The following ESR2 variants were observed in gnomAD, a reference collection of about 807,000 sequenced individuals.
The protein encoded by ESR2 is estrogen receptor 2, also known as estrogen receptor beta.
A neutral mutation model predicts 49.6 loss-of-function variants in ESR2; 36 were observed. The ratio of observed to expected loss-of-function variants is 0.73; its 90% CI spans 0.56 to 0.96. ESR2 has a LOEUF of 0.96. Among genes scored for constraint, ESR2 ranks in the 40% least tolerant of loss-of-function variants. ESR2 has a pLI of 0.00. For synonymous variants in ESR2, 320 were observed against 266.1 expected (o/e 1.20, Z -1.97); for missense variants, 714 against 693.0 (o/e 1.03, Z -0.34).
intron 5 of ESR2, among the ~76,000 whole-genome samples, chr14:64,259,801 A>G (rs571724253): frequency 6.6e-6 from 1 of 152,302 alleles, no homozygotes; most frequent in East Asian, 1.9e-4. Context: ...TTGATTCTCT[A>G]CTGGAACAAT....
intron 7 of ESR2, among the ~76,000 whole-genome samples, chr14:64,243,496 A>G (rs2075783552): frequency 6.6e-6 from 1 of 152,252 alleles, no homozygotes; most frequent in Non-Finnish European, 1.5e-5. Flanking sequence ...AGTATCTGTG[A>G]TGCACAATAA....
intron 7 of ESR2, among the ~76,000 whole-genome samples, chr14:64,235,947 C>T (rs2075589200): frequency 1.3e-5 from 2 of 152,216 alleles, no homozygotes; most frequent in African/African-American, 2.4e-5. Flanking sequence ...CGACCCCTGC[C>T]TGACTCCTTG....
chr14:64,296,387 C>T (rs573128203), upstream of ESR2, among the ~76,000 whole-genome samples: 22 of 152,296 alleles, frequency 1.4e-4, no homozygotes, highest in East Asian at 9.6e-4. Context: ...AGACAGCTAC[C>T]GCTTATTGGA....
intron 1 of ESR2, among the ~76,000 whole-genome samples, chr14:64,331,192 C>A (rs2077453290): frequency 6.6e-6 from 1 of 152,056 alleles, no homozygotes; most frequent in Admixed American, 6.6e-5. Context: ...ACATACCATG[C>A]AATCTAAGAA....
chr14:64,260,890 A>C, intron 4 of ESR2, 142 bp from the exon 5 acceptor site: 1 of 658,268 alleles, frequency 1.5e-6, no homozygotes, highest in Non-Finnish European at 2.2e-6. Context: ...AACCAACGAC[A>C]TAACTTTTCA....
upstream of ESR2, among the ~76,000 whole-genome samples, chr14:64,295,500 A>G (rs2076945139): frequency 6.6e-6 from 1 of 152,116 alleles, no homozygotes; most frequent in Non-Finnish European, 1.5e-5. Flanking sequence ...CCACTGCCCC[A>G]CCCTAAGTCC....
intron 6 of ESR2, among the ~76,000 whole-genome samples, chr14:64,250,655 A>G (rs2075968197): frequency 6.6e-6 from 1 of 152,184 alleles, no homozygotes; most frequent in Non-Finnish European, 1.5e-5. Context: ...TTCCATTTTT[A>G]GTCTCTAGCA....
rs945230079 is a variant in ESR2 at position 64,232,922 on chromosome 14, A to G, written c.*215T>C. 5 of 949,570 alleles carry G rather than the reference A, an allele frequency of 5.3e-6. No individual in the cohort carries two copies. Among genetic ancestry groups the G allele is most frequent in the Non-Finnish European group, 7.3e-6 (5 of 688,550 alleles). The allele number at this position is 949,570 out of a possible 1,614,324, so 58.8% of individuals were successfully genotyped here. A position where few individuals can be genotyped will look rare whatever the true frequency, so the allele number is the denominator to read the frequency against. On this transcript the variant is annotated 3_prime_UTR_variant, in exon 9 of 9. Transcript: ENST00000341099. ...AGGCCATTGAGTGTGGAAACGCTGC[A>G]TTCAAATGTGCCCTCTGCTAACAAG...
chr14:64,271,618 A>G (rs539884423), intron 3 of ESR2, among the ~76,000 whole-genome samples: 133 of 152,262 alleles, frequency 8.7e-4, no homozygotes, highest in African/African-American at 2.8e-3. Context: ...GAGGCACTGC[A>G]ATTGTTTTTA....
At position 64,255,151 on chromosome 14, in the gene ESR2, C is replaced by T. The variant is rs561896962; in HGVS notation, c.1091+2075G>A. Among the ~76,000 whole-genome samples the T allele has an allele frequency of 4.6e-5, 7 of 151,792 alleles. No individual in the cohort carries two copies. In the South Asian group the frequency reaches 1.5e-3, roughly 32 times the overall value. On this transcript the variant is annotated intron_variant, in intron 6 of 8. Transcript: ENST00000341099. ...CTAAAAACCAGGAATGAAATAGTCA[C>T]CAAAAATAAACACTAAATTTGGCAT... is the stretch of plus-strand genomic sequence containing the variant.
At position 64,335,577 on chromosome 14, in the gene ESR2, C is replaced by T. The variant is rs75119515; in HGVS notation, c.-91+2321G>A. 6.4e-3 allele frequency among the ~76,000 whole-genome samples: 972 copies of T among 152,222 alleles called. 7 individuals are homozygous for T. The highest frequency in any genetic ancestry group is 0.022 in the African/African-American group (922 of 41,532). On this transcript the variant is annotated intron_variant, in intron 1 of 8. Transcript: ENST00000358599. ...ACTCCCATCGTGGGGGCCCCATCTG[C>T]GTGACCTCATCTAAATCAAACTACC...
At chr14:64,253,643 C>T (rs140369785) in intron 6 of ESR2, among the ~76,000 whole-genome samples, 8 of 149,988 alleles carry the variant, frequency 5.3e-5, no homozygotes, top group Non-Finnish European at 8.8e-5. Flanking sequence ...TATCTCTGCT[C>T]GCAGCACACA....
At chr14:64,247,441 A>G (rs2075887271) in intron 7 of ESR2, among the ~76,000 whole-genome samples, 1 of 152,200 alleles carries the variant, frequency 6.6e-6, no homozygotes. Context: ...GAAACATGTG[A>G]CCACAGTGAA....
At position 64,300,544 on chromosome 14, in the gene ESR2, G is replaced by A. The variant is rs183569841; in HGVS notation, c.-90-17469C>T. On this transcript the variant is annotated intron_variant, in intron 1 of 8. Transcript: ENST00000358599. ...GGAGGCCAAGATGAGAGGATCGCTCGAGCCCAGGAGTTCAAGACCAGCCTG... is the reference window on the plus strand; with the variant it reads ...GGAGGCCAAGATGAGAGGATCGCTCAAGCCCAGGAGTTCAAGACCAGCCTG... Among the ~76,000 whole-genome samples, 8 of 152,200 alleles carry A rather than the reference G, an allele frequency of 5.3e-5. No individual in the cohort carries two copies. The South Asian group carries it at 1.0e-3, about 20-fold the overall frequency.
intron 1 of ESR2, among the ~76,000 whole-genome samples, chr14:64,284,966 C>T (rs1044687033): frequency 2.6e-5 from 4 of 151,934 alleles, no homozygotes; most frequent in African/African-American, 9.7e-5. Flanking sequence ...TCTTCTGCCT[C>T]AGCATCCCGA....
rs2098727785 is a variant in ESR2, at chr14:64,232,097, T to TAC, written c.*1038_*1039dup. The TAC allele has an allele frequency of 6.6e-6, 1 of 152,246 alleles. No individual in the cohort carries two copies. Among genetic ancestry groups the TAC allele is most frequent in the Non-Finnish European group, 1.5e-5 (1 of 68,050 alleles). The allele number at this position is 152,246 out of a possible 1,614,324, so 9.4% of individuals were successfully genotyped here. A position where few individuals can be genotyped will look rare whatever the true frequency, so the allele number is the denominator to read the frequency against. ...TCAAGGGGCGTACTCATCAAGGCTA[T>TAC]ACAGTGTGGCCCCAGAGCTGACACA... On this transcript the variant is annotated 3_prime_UTR_variant, in exon 9 of 9. Coordinates refer to ENST00000341099, the MANE Select transcript of ESR2 (RefSeq NM_001437.3).
chr14:64,268,335 G>A (rs1462723247), intron 4 of ESR2, among the ~76,000 whole-genome samples: 1 of 152,172 alleles, frequency 6.6e-6, no homozygotes, highest in Non-Finnish European at 1.5e-5. Flanking sequence ...TAGACGAGGG[G>A]ATAGGTGTGA....
At chr14:64,287,584 T>C (rs925583709) in intron 1 of ESR2, among the ~76,000 whole-genome samples, 1 of 152,222 alleles carries the variant, frequency 6.6e-6, no homozygotes, top group Non-Finnish European at 1.5e-5. Context: ...AGTTAGGTAC[T>C]TGGTAGCCAA....
intron 3 of ESR2, among the ~76,000 whole-genome samples, chr14:64,275,520 T>C (rs1412403096): frequency 1.3e-5 from 2 of 152,082 alleles, no homozygotes; most frequent in East Asian, 3.9e-4. Context: ...CTGGCCAATA[T>C]GGTGAAACCC....
Sources: allele counts gnomAD v4.1 joint callset (sites outside exome capture counted in the v4.1 genomes callset), GRCh38; gene constraint gnomAD v4.1.1; transcripts MANE v1.5; gene names NCBI Gene and HGNC (gene_info 2026-07-23, HGNC 2026-07-21).